STAU2: variants seen among roughly 807,000 people sequenced by gnomAD.
The protein encoded by STAU2 is staufen double-stranded RNA binding protein 2.
In STAU2, 20 loss-of-function variants were observed where a neutral mutation model predicts 65.9. The observed-to-expected ratio is 0.30, with a 90% confidence interval of 0.21 to 0.44. STAU2 has a LOEUF of 0.44. Among genes scored for constraint, STAU2 ranks in the 20% least tolerant of loss-of-function variants. The pLI, the probability that STAU2 is intolerant of heterozygous loss-of-function variation, is 1.00. For missense variants in STAU2, 558 were observed against 683.9 expected, an observed-to-expected ratio of 0.82 and a Z score of 2.05; for synonymous variants, 232 against 233.9, an observed-to-expected ratio of 0.99 and a Z score of 0.07.
At chr8:73,650,496 CAG>C (rs1815779028) in intron 6 of STAU2, among the ~76,000 whole-genome samples, 1 of 152,068 alleles carries the variant, frequency 6.6e-6, no homozygotes, top group Admixed American at 6.5e-5. Flanking sequence ...TAGCAAAGGT[CAG>C]AGTCAAAAAT....
intron 13 of STAU2, among the ~76,000 whole-genome samples, chr8:73,513,073 C>G (rs1420401482): frequency 6.6e-6 from 1 of 152,132 alleles, no homozygotes; most frequent in Non-Finnish European, 1.5e-5. Flanking sequence ...ATTAATCACC[C>G]TTTTCTTTCT....
intron 13 of STAU2, among the ~76,000 whole-genome samples, chr8:73,527,164 C>T (rs1308276806): frequency 2.6e-5 from 4 of 152,206 alleles, no homozygotes; most frequent in African/African-American, 9.7e-5. Flanking sequence ...GGAGGCTCTA[C>T]CACATAGCCT....
intron 13 of STAU2, among the ~76,000 whole-genome samples, chr8:73,496,906 G>C (rs2128918134): frequency 6.6e-6 from 1 of 151,724 alleles, no homozygotes; most frequent in African/African-American, 2.4e-5. Context: ...GACCTAGACA[G>C]TTGCTAATAG....
At chr8:73,612,573 A>G (rs1006727956) in intron 9 of STAU2, among the ~76,000 whole-genome samples, 2 of 152,226 alleles carry the variant, frequency 1.3e-5, no homozygotes, top group African/African-American at 4.8e-5. Context: ...CATATAACAT[A>G]TAATTCCAGT....
At chr8:73,690,171 A>T (rs1819225762) in intron 4 of STAU2, among the ~76,000 whole-genome samples, 1 of 151,904 alleles carries the variant, frequency 6.6e-6, no homozygotes, top group Non-Finnish European at 1.5e-5. Flanking sequence ...TACTAAAAAT[A>T]CAAAAAATTT....
intron 6 of STAU2, among the ~76,000 whole-genome samples, chr8:73,628,800 G>A (rs1165692326): frequency 6.6e-6 from 1 of 152,134 alleles, no homozygotes; most frequent in African/African-American, 2.4e-5. Context: ...TATAATAAAA[G>A]ATTCAAATGG....
At chr8:73,533,259 A>G (rs1805944793) in intron 13 of STAU2, among the ~76,000 whole-genome samples, 1 of 152,210 alleles carries the variant, frequency 6.6e-6, no homozygotes, top group Admixed American at 6.5e-5. Flanking sequence ...ACTACTATAA[A>G]TTGATATTTT....
intron 13 of STAU2, among the ~76,000 whole-genome samples, chr8:73,543,615 C>G (rs1452693477): frequency 6.6e-6 from 1 of 152,154 alleles, no homozygotes; most frequent in African/African-American, 2.4e-5. Flanking sequence ...GCACCTACAC[C>G]AAACCCTCCC....
At position 73,613,929 on chromosome 8, in the gene STAU2, T is replaced by C; in HGVS notation, c.706A>G (p.Met236Val). 1 of 1,611,958 alleles carries C rather than the reference T, an allele frequency of 6.2e-7. No individual in the cohort carries two copies. Among genetic ancestry groups the C allele is most frequent in the Non-Finnish European group, 8.5e-7 (1 of 1,179,466 alleles). Residue 236 changes from methionine to valine, a missense_variant, in exon 9 of 15, where the codon ATG becomes GTG. Physicochemically the swap from Met to Val is conservative, Grantham distance 21 (BLOSUM62 1). Coordinates refer to ENST00000524300, the MANE Select transcript of STAU2 (RefSeq NM_001164380.2). ...GACACTCGAGTAACAAAGCTTTTCA[T>C]ATGTGGTGGTCCACTTTCTTTAATA... ...EVIKESGPPH[M>V]KSFVTRVSVG...
intron 13 of STAU2, among the ~76,000 whole-genome samples, chr8:73,496,046 T>C (rs570934585): frequency 6.6e-5 from 10 of 151,694 alleles, no homozygotes; most frequent in Non-Finnish European, 1.5e-4. Flanking sequence ...GCCTCTTTCT[T>C]TGAAATCCAA....
chr8:73,470,931 G>C lies in STAU2; in HGVS notation c.1531-48229C>G, dbSNP rs191288524. ...ATAGGCATGTTTCCTGCAAAACTGAGTAGAGATTGAGTTACTTTTTCAGGG... is the reference window on the plus strand; with the variant it reads ...ATAGGCATGTTTCCTGCAAAACTGACTAGAGATTGAGTTACTTTTTCAGGG... On this transcript the variant is annotated intron_variant, in intron 13 of 14. Transcript: ENST00000524300. Among the ~76,000 whole-genome samples the C allele has an allele frequency of 2.4e-4, 37 of 152,270 alleles. No homozygotes were observed. The East Asian group carries it at 7.1e-3, about 29-fold the overall frequency.
chr8:73,717,904 T>C (rs563318339), intron 3 of STAU2, among the ~76,000 whole-genome samples: 13 of 152,368 alleles, frequency 8.5e-5, no homozygotes, highest in Non-Finnish European at 1.9e-4. Context: ...CCTGTGCAGT[T>C]CTATAAAAAA....
intron 6 of STAU2, among the ~76,000 whole-genome samples, chr8:73,644,387 G>A (rs1043064201): frequency 2.0e-5 from 3 of 151,674 alleles, no homozygotes; most frequent in African/African-American, 7.3e-5. Context: ...TGGGGCTGCA[G>A]TGAACTATGA....
At chr8:73,510,774 G>A (rs1387409934) in intron 13 of STAU2, among the ~76,000 whole-genome samples, 1 of 152,140 alleles carries the variant, frequency 6.6e-6, no homozygotes, top group Non-Finnish European at 1.5e-5. Context: ...AACAGGATGG[G>A]GGAAACTGCC....
chr8:73,501,241 C>T (rs534918034), intron 13 of STAU2, among the ~76,000 whole-genome samples: 2 of 151,832 alleles, frequency 1.3e-5, no homozygotes, highest in Admixed American at 6.6e-5. Context: ...AAGTACTGAA[C>T]CCTCATTAAA....
chr8:73,728,398 T>G (rs1168027965), intron 3 of STAU2, among the ~76,000 whole-genome samples: 1 of 150,242 alleles, frequency 6.7e-6, no homozygotes, highest in Non-Finnish European at 1.5e-5. Flanking sequence ...TTTTTCAAGA[T>G]GGTTTTGGCT....
At chr8:73,548,632 C>T (rs1281643064) in intron 13 of STAU2, among the ~76,000 whole-genome samples, 1 of 152,130 alleles carries the variant, frequency 6.6e-6, no homozygotes, top group Non-Finnish European at 1.5e-5. Flanking sequence ...TGAAATGCCC[C>T]TCCATAAAAC....
At chr8:73,680,487 C>T (rs973465034) in intron 5 of STAU2, among the ~76,000 whole-genome samples, 11 of 152,070 alleles carry the variant, frequency 7.2e-5, no homozygotes, top group Non-Finnish European at 1.3e-4. Context: ...CAAGATCTTG[C>T]CTCTGACACA....
At chr8:73,655,859 A>G (rs796322114) in intron 6 of STAU2, among the ~76,000 whole-genome samples, 13 of 152,072 alleles carry the variant, frequency 8.5e-5, no homozygotes, top group African/African-American at 3.1e-4. Context: ...CGTGTTAGCC[A>G]GGATAGTCTC....
Sources: allele counts gnomAD v4.1 joint callset (sites outside exome capture counted in the v4.1 genomes callset), GRCh38; gene constraint gnomAD v4.1.1; transcripts MANE v1.5; gene names NCBI Gene and HGNC (gene_info 2026-07-23, HGNC 2026-07-21).